Variants in PSG2 observed in about 807,000 individuals in gnomAD.
PSG2 encodes the protein pregnancy-specific beta-1-glycoprotein 2.
A neutral mutation model predicts 36.2 loss-of-function variants in PSG2; 49 were observed. That is an observed-to-expected ratio of 1.35 (90% CI 1.08 to 1.72). PSG2 has a LOEUF of 1.72. Among genes scored for constraint, PSG2 ranks in the 40% most tolerant of loss-of-function variants. The probability of loss-of-function intolerance (pLI) is 0.00; values close to 1 mark genes in which losing one functional copy is unlikely to be tolerated. For missense variants in PSG2, 605 were observed against 407.2 expected (o/e 1.49, Z -4.18); for synonymous variants, 261 against 155.6 (o/e 1.68, Z -5.04).
intron 4 of PSG2, among the ~76,000 whole-genome samples, chr19:43,069,103 C>T (rs1265421005): frequency 1.3e-5 from 2 of 151,534 alleles, no homozygotes; most frequent in African/African-American, 4.9e-5. Flanking sequence ...AAAAAAATTT[C>T]AATTTATATT....
At chr19:43,080,750 A>G (rs576839174) in intron 2 of PSG2, 131 bp downstream of exon 2, 5 of 1,566,886 alleles carry the variant, frequency 3.2e-6, no homozygotes, top group Non-Finnish European at 3.5e-6. Context: ...CCTGCACTAA[A>G]TGCCCAAACC....
rs1422344987 is a variant in PSG2 at position 43,064,291 on chromosome 19, A to T, written c.*351T>A. The T allele has an allele frequency of 4.4e-6, 1 of 226,350 alleles. No homozygotes were observed. The highest frequency in any genetic ancestry group is 8.9e-6 in the Non-Finnish European group (1 of 112,664). 14.0% of individuals were successfully genotyped at this position (226,350 alleles called of 1,614,324 possible). On this transcript the variant is annotated 3_prime_UTR_variant, in exon 6 of 6. Transcript: ENST00000406487. ...CCAATTCTGGGGCACTCAGATAGAG[A>T]GCAAAAGGAAATGTTTCAATTTTTG...
intron 1 of PSG2, chr19:43,082,070 C>G (rs62112397): frequency 6.3e-6 from 1 of 157,942 alleles, no homozygotes; most frequent in Non-Finnish European, 1.4e-5. Context: ...GGTATATTTT[C>G]CCCTATCCAG....
intron 5 of PSG2, chr19:43,065,509 G>T (rs1380564572): frequency 2.0e-5 from 3 of 151,724 alleles, no homozygotes; most frequent in Middle Eastern, 6.8e-3. Context: ...CTTTGAACTG[G>T]AACTAATGGG....
rs571519532 is a variant in PSG2, at chr19:43,077,252, G to T, written c.431-1620C>A. On this transcript the variant is annotated intron_variant, in intron 2 of 5. Transcript: ENST00000406487. ...TCAAAGAAAGATGCCAAAGGTGATTGGAAATTAGCAGCTCCTTAAGTAGAG... is the reference window on the plus strand; with the variant it reads ...TCAAAGAAAGATGCCAAAGGTGATTTGAAATTAGCAGCTCCTTAAGTAGAG... Among the ~76,000 whole-genome samples the T allele has an allele frequency of 9.1e-4, 137 of 151,058 alleles. 1 individual carries two copies. Among genetic ancestry groups the T allele is most frequent in the Non-Finnish European group, 1.6e-3 (108 of 67,916 alleles).
At chr19:43,080,545 G>A (rs1330939706) in intron 2 of PSG2, among the ~76,000 whole-genome samples, 2 of 151,632 alleles carry the variant, frequency 1.3e-5, no homozygotes, top group African/African-American at 4.9e-5. Flanking sequence ...GACCCCTCAG[G>A]CCAAGCCCTG....
chr19:43,066,557 C>T lies in PSG2; in HGVS notation c.1008G>A (p.Ter336=). The change falls in exon 5 of 6, where the codon TAG becomes TAA. Residue 336 remains the stop codon, a stop_retained_variant. Coordinates refer to ENST00000406487, the MANE Select transcript of PSG2 (RefSeq NM_031246.4). ...IGLLPLLNPT[*] ...AAATACAGAAATGACATCACAGCTG[C>T]TATGTTGGATTAAGGAGAGGAAGAA... 1 of 1,596,402 alleles carries T rather than the reference C, an allele frequency of 6.3e-7. No individual in the cohort carries two copies. Among genetic ancestry groups the T allele is most frequent in the South Asian group, 1.1e-5 (1 of 90,742 alleles).
At chr19:43,079,304 T>C (rs1328703262) in intron 2 of PSG2, among the ~76,000 whole-genome samples, 3 of 151,340 alleles carry the variant, frequency 2.0e-5, no homozygotes, top group East Asian at 1.9e-4. Context: ...GAGAACCCTC[T>C]GGTGGCCAAA....
intron 5 of PSG2, chr19:43,065,536 A>G (rs1967728168): frequency 2.0e-5 from 3 of 151,564 alleles, no homozygotes; most frequent in Admixed American, 2.0e-4. Flanking sequence ...TTGAGCATCC[A>G]CTTTTAGAAA....
chr19:43,076,229 C>G (rs763465830), intron 2 of PSG2, among the ~76,000 whole-genome samples: 2 of 151,522 alleles, frequency 1.3e-5, no homozygotes, highest in Non-Finnish European at 2.9e-5. Context: ...GGCAGTTTTC[C>G]CAGGTGTCTC....
Position 43,082,561 on chromosome 19 carries a change from G to A in PSG2, c.9C>T (p.Pro3=), listed in dbSNP as rs1967996864. MG[P]LSAPPCTEHI... ...GCTCTGTGCAGGGAGGGGCTGAGAG[G>A]GGCCCCATGGTCTCTGCTGCCTGTG... The change falls in exon 1 of 6, where the codon CCC becomes CCT. Residue 3 remains proline (P), a synonymous_variant. Transcript: ENST00000406487. The A allele has an allele frequency of 1.9e-6, 3 of 1,612,000 alleles. No individual in the cohort carries two copies. The highest frequency in any genetic ancestry group is 1.7e-6 in the Non-Finnish European group (2 of 1,179,074).
intron 4 of PSG2, among the ~76,000 whole-genome samples, chr19:43,067,824 C>A (rs1171239802): frequency 1.3e-5 from 2 of 151,294 alleles, no homozygotes; most frequent in Non-Finnish European, 2.9e-5. Flanking sequence ...GGTAAGGAAT[C>A]AGAGGTTCAG....
At position 43,082,337 on chromosome 19, in the gene PSG2, A is replaced by T. The variant is rs767933493; in HGVS notation, c.64+169T>A. On this transcript the variant is annotated intron_variant, in intron 1 of 5. Coordinates refer to ENST00000406487, the MANE Select transcript of PSG2 (RefSeq NM_031246.4). ...TTGTATTTTTAGTAGAGACAGGGCT[A>T]CACTGTGTTGGCCAGACTGACCTTG... is the stretch of plus-strand genomic sequence containing the variant. The T allele has an allele frequency of 2.1e-4, 223 of 1,057,996 alleles. 1 individual carries two copies. Among genetic ancestry groups the T allele is most frequent in the Non-Finnish European group, 2.7e-4 (196 of 730,552 alleles). The allele number at this position is 1,057,996 out of a possible 1,614,324, so 65.5% of individuals were successfully genotyped here.
intron 3 of PSG2, among the ~76,000 whole-genome samples, chr19:43,074,279 T>C (rs1967860703): frequency 6.6e-6 from 1 of 151,662 alleles, no homozygotes; most frequent in East Asian, 1.9e-4. Flanking sequence ...TGCAACTCAC[T>C]TTGGGTAGTA....
At chr19:43,078,603 T>A (rs1967929587) in intron 2 of PSG2, among the ~76,000 whole-genome samples, 1 of 151,594 alleles carries the variant, frequency 6.6e-6, no homozygotes, top group African/African-American at 2.4e-5. Context: ...GCCCGCATGA[T>A]TCCATCACCA....
chr19:43,075,249 G>A lies in PSG2; in HGVS notation c.709+105C>T, dbSNP rs28545196. On this transcript the variant is annotated intron_variant, in intron 3 of 5. Coordinates refer to ENST00000406487, the MANE Select transcript of PSG2 (RefSeq NM_031246.4). ...TCATGGCCAGCTTTGATGCCTAGGGGTAAAGGTCTCTGTACTTGGACCTGA... is the reference window on the plus strand; with the variant it reads ...TCATGGCCAGCTTTGATGCCTAGGGATAAAGGTCTCTGTACTTGGACCTGA... The A allele has an allele frequency of 9.2e-4, 1,485 of 1,606,636 alleles. 57 individuals carry two copies. In the African/African-American group the frequency reaches 0.018, roughly 19 times the overall value.
At chr19:43,068,786 C>A (rs866377801) in intron 4 of PSG2, among the ~76,000 whole-genome samples, 12 of 151,674 alleles carry the variant, frequency 7.9e-5, no homozygotes, top group African/African-American at 2.2e-4. Context: ...AGACTGAAAG[C>A]TTTCCCTGTA....
At chr19:43,076,398 G>T (rs191765511) in intron 2 of PSG2, among the ~76,000 whole-genome samples, 1 of 151,904 alleles carries the variant, frequency 6.6e-6, no homozygotes, top group East Asian at 1.9e-4. Flanking sequence ...TAGAGGGCAG[G>T]TGAGGACGAT....
intron 2 of PSG2, 103 bp downstream of exon 2, chr19:43,080,778 G>T (rs989854242): frequency 6.2e-7 from 1 of 1,601,438 alleles, no homozygotes; most frequent in East Asian, 2.2e-5. Context: ...GGGACATAAT[G>T]CAGAGAGGGA....
Sources: gnomAD v4.1 joint callset for allele counts (sites outside exome capture counted in the v4.1 genomes callset) on GRCh38, gnomAD v4.1.1 for gene constraint, MANE v1.5 for transcripts, NCBI Gene and HGNC (gene_info 2026-07-23, HGNC 2026-07-21) for gene names.